Variants in NDUFA10 observed in about 807,000 individuals in gnomAD.
The protein encoded by NDUFA10 is NADH:ubiquinone oxidoreductase subunit A10.
In NDUFA10, 40 loss-of-function variants were observed where a neutral mutation model predicts 47.8. The ratio of observed to expected loss-of-function variants is 0.84; its 90% CI spans 0.65 to 1.09. NDUFA10 has a LOEUF of 1.09. Among genes scored for constraint, NDUFA10 ranks in the 50% least tolerant of loss-of-function variants. The pLI, the probability that NDUFA10 is intolerant of heterozygous loss-of-function variation, is 0.00. For synonymous variants in NDUFA10, 183 were observed against 172.2 expected (o/e 1.06, Z -0.49); for missense variants, 413 against 451.1 (o/e 0.92, Z 0.76).
At chr2:239,955,712 T>C (rs562492331), downstream of NDUFA10, among the ~76,000 whole-genome samples, 2 of 152,166 alleles carry the variant, frequency 1.3e-5, no homozygotes, top group Admixed American at 1.3e-4. Context: ...GAAGGAAAGA[T>C]AGGGCAGGCC....
At chr2:239,898,295 C>G (rs922337140) in intron 4 of NDUFA10, among the ~76,000 whole-genome samples, 2 of 152,214 alleles carry the variant, frequency 1.3e-5, no homozygotes, top group Admixed American at 6.5e-5. Flanking sequence ...CCTACAGTAC[C>G]TAGAAAGCCA....
At chr2:239,972,336 G>C (rs1695337588) in intron 9 of NDUFA10, among the ~76,000 whole-genome samples, 1 of 152,074 alleles carries the variant, frequency 6.6e-6, no homozygotes, top group East Asian at 1.9e-4. Context: ...ACTCTGCTGG[G>C]GCAAGCAATG....
intron 4 of NDUFA10, among the ~76,000 whole-genome samples, chr2:239,948,876 A>T (rs1429258160): frequency 6.6e-6 from 1 of 152,214 alleles, no homozygotes; most frequent in Non-Finnish European, 1.5e-5. Context: ...TTTTGCAGGG[A>T]ACAGTTCACA....
In NDUFA10 at chr2:240,021,268, C is replaced by T. The variant is rs959745767; in HGVS notation, c.389G>A (p.Arg130His). 20 of 1,614,090 alleles carry T rather than the reference C, an allele frequency of 1.2e-5. No homozygotes were observed. Among genetic ancestry groups the T allele is most frequent in the Non-Finnish European group, 1.4e-5 (17 of 1,180,054 alleles). Residue 130 changes from arginine (R) to histidine (H), a missense_variant, in exon 3 of 10, where the codon CGC becomes CAC. Coordinates refer to ENST00000252711, the MANE Select transcript of NDUFA10 (RefSeq NM_004544.4). ...DPRSNDGNSY[R>H]LQSWLYSSRL... Reference sequence around the variant, plus strand: ...ACTGCTGTACAACCAGGACTGCAGGCGGTAACTGTTGCCATCATTGCTTCT... The same window carrying T: ...ACTGCTGTACAACCAGGACTGCAGGTGGTAACTGTTGCCATCATTGCTTCT...
At chr2:240,013,718 T>TTA in intron 5 of NDUFA10, 1 of 152,266 alleles carries the variant, frequency 6.6e-6, no homozygotes, top group Non-Finnish European at 1.5e-5. Context: ...AACCAGAGCT[T>TTA]TACTGTTGCC....
intron 8 of NDUFA10, among the ~76,000 whole-genome samples, chr2:239,993,827 T>G: frequency 6.6e-6 from 1 of 150,398 alleles, no homozygotes; most frequent in Non-Finnish European, 1.5e-5. Context: ...AAAAGGAGGG[T>G]TCAAGCTAGG....
chr2:239,978,631 G>T (rs1446604231), intron 9 of NDUFA10, among the ~76,000 whole-genome samples: 1 of 152,216 alleles, frequency 6.6e-6, no homozygotes, highest in African/African-American at 2.4e-5. Flanking sequence ...CCACCAAGTG[G>T]TATGAGTCAG....
At chr2:239,912,325 G>A (rs1466636004) in intron 4 of NDUFA10, among the ~76,000 whole-genome samples, 1 of 152,154 alleles carries the variant, frequency 6.6e-6, no homozygotes, top group Admixed American at 6.5e-5. Flanking sequence ...GGTGGGAAGC[G>A]GATTCGTGGG....
intron 4 of NDUFA10, among the ~76,000 whole-genome samples, chr2:239,938,884 C>A (rs80135449): frequency 0.039 from 5,997 of 152,298 alleles, 385 homozygotes; most frequent in African/African-American, 0.14. Flanking sequence ...CCCAGCACAG[C>A]CAGAGGGTCA....
intron 1 of NDUFA10, 29 bp from the exon 2 acceptor site, chr2:240,022,369 C>T (rs765956913): frequency 1.3e-5 from 21 of 1,613,642 alleles, no homozygotes; most frequent in Middle Eastern, 3.3e-4. Flanking sequence ...CACAGCAGCA[C>T]ATTGTGACCA....
intron 9 of NDUFA10, among the ~76,000 whole-genome samples, chr2:239,965,018 C>T (rs1161379566): frequency 6.6e-6 from 1 of 152,172 alleles, no homozygotes; most frequent in Non-Finnish European, 1.5e-5. Context: ...TTTACCCAAA[C>T]ACAGGACCAG....
intron 9 of NDUFA10, among the ~76,000 whole-genome samples, chr2:239,988,702 C>T (rs1696106438): frequency 6.6e-6 from 1 of 152,198 alleles, no homozygotes. Flanking sequence ...GGAACGAACA[C>T]CAAGTGTGGG....
chr2:239,905,607 G>A (rs980654994), intron 4 of NDUFA10, among the ~76,000 whole-genome samples: 15 of 151,574 alleles, frequency 9.9e-5, no homozygotes, highest in Non-Finnish European at 1.8e-4. Context: ...CAAAGCCTGA[G>A]GTCAGTCGGA....
At chr2:240,017,468 G>GC (rs1697406805) in intron 4 of NDUFA10, among the ~76,000 whole-genome samples, 1 of 152,102 alleles carries the variant, frequency 6.6e-6, no homozygotes, top group Non-Finnish European at 1.5e-5. Flanking sequence ...TCTCCTATGT[G>GC]CCCCCAAAGC....
In NDUFA10 at chr2:239,967,087, C is replaced by T. The variant is rs189420249; in HGVS notation, c.1000-5901G>A. Among the ~76,000 whole-genome samples, 243 of 152,186 alleles carry T rather than the reference C, an allele frequency of 1.6e-3. 1 individual carries two copies. Among genetic ancestry groups the T allele is most frequent in the Middle Eastern group, 6.8e-3 (2 of 294 alleles). On this transcript the variant is annotated intron_variant, in intron 9 of 9. Transcript: ENST00000252711. ...GATGTGCCCCCTCTAGATTTATGTG[C>T]TTGAGATAAATTTCTAGAAATGGAA...
chr2:240,010,197 C>T (rs1229430392), intron 6 of NDUFA10, among the ~76,000 whole-genome samples: 1 of 152,212 alleles, frequency 6.6e-6, no homozygotes, highest in Non-Finnish European at 1.5e-5. Context: ...TCCCATCAAT[C>T]CATACGGCTT....
In NDUFA10 at chr2:240,002,053, G is replaced by A. The variant is rs181510099; in HGVS notation, c.890+3157C>T. On this transcript the variant is annotated intron_variant, in intron 8 of 9. Transcript: ENST00000252711. Reference sequence around the variant, plus strand: ...ATGGCTCAGAAAGACAAGGAAGGCCGGCGCAGTGGCTCCCGCCTGTAATCC... The same window carrying A: ...ATGGCTCAGAAAGACAAGGAAGGCCAGCGCAGTGGCTCCCGCCTGTAATCC... Among the ~76,000 whole-genome samples the A allele has an allele frequency of 3.9e-5, 6 of 152,220 alleles. No individual in the cohort carries two copies. The East Asian group carries it at 7.7e-4, about 20-fold the overall frequency.
At position 239,987,821 on chromosome 2, in the gene NDUFA10, G is replaced by A. The variant is rs1427173475; in HGVS notation, c.999+2253C>T. Among the ~76,000 whole-genome samples the A allele has an allele frequency of 2.6e-5, 4 of 152,200 alleles. No individual in the cohort carries two copies. The highest frequency in any genetic ancestry group is 1.3e-4 in the Admixed American group (2 of 15,280). On this transcript the variant is annotated intron_variant, in intron 9 of 9. Coordinates refer to ENST00000252711, the MANE Select transcript of NDUFA10 (RefSeq NM_004544.4). This position sits in a 1 kb window ranked among gnomAD's most constrained non-coding sequence, Gnocchi z 4.8. ...ACACGTATGGAGAATTAAGACGACC[G>A]AGATCATGCAAAACATGCGAGTGGG...
chr2:239,994,170 G>A (rs575159648), intron 8 of NDUFA10, among the ~76,000 whole-genome samples: 2 of 152,198 alleles, frequency 1.3e-5, no homozygotes, highest in Admixed American at 6.5e-5. Flanking sequence ...AGCAAAACAC[G>A]GTTCAGCAGG....
Sources: allele counts gnomAD v4.1 joint callset (sites outside exome capture counted in the v4.1 genomes callset), GRCh38; gene constraint gnomAD v4.1.1; non-coding constraint Gnocchi (gnomAD v3.1); transcripts MANE v1.5; gene names NCBI Gene and HGNC (gene_info 2026-07-23, HGNC 2026-07-21).